The following ERC2 variants were observed in gnomAD, a reference collection of about 807,000 sequenced individuals.
ERC2 encodes the protein ELKS/RAB6-interacting/CAST family member 2, also known as ERC protein 2.
In ERC2, 42 loss-of-function variants were observed where a neutral mutation model predicts 114.8. That is an observed-to-expected ratio of 0.37 (90% CI 0.29 to 0.47). ERC2 has a LOEUF of 0.47. Ranked by LOEUF, ERC2 falls within the 20% of genes least tolerant of loss-of-function variation. The pLI is 0.99. For missense variants in ERC2, 939 were observed against 1,150.7 expected (o/e 0.82, Z 2.66); for synonymous variants, 454 against 425.5 (o/e 1.07, Z -0.82).
At chr3:55,894,141 G>A (rs2149331125) in intron 13 of ERC2, among the ~76,000 whole-genome samples, 1 of 151,836 alleles carries the variant, frequency 6.6e-6, no homozygotes, top group East Asian at 1.9e-4. Flanking sequence ...TTTTTTCCCA[G>A]GTGGAAAAAT....
At chr3:56,003,164 GCA>G in intron 10 of ERC2, 1 of 1,284,380 alleles carries the variant, frequency 7.8e-7, no homozygotes. Flanking sequence ...AGGCATTGAG[GCA>G]CAGACAGGGA....
intron 14 of ERC2, among the ~76,000 whole-genome samples, chr3:55,783,078 G>A (rs778227928): frequency 6.6e-6 from 1 of 152,190 alleles, no homozygotes; most frequent in African/African-American, 2.4e-5. Flanking sequence ...GTTGTCCCCG[G>A]AGGTGTGCAT....
At position 56,080,921 on chromosome 3, in the gene ERC2, G is replaced by C. The variant is rs375735550; in HGVS notation, c.1537C>G (p.Leu513Val). ...ESFLNKKTKQ[L>V]QDLTEEKGTL... ...CCCTTCTCTTCTGTGAGGTCCTGTA[G>C]CTGTTTTGTTTTTTTATTGAGGAAA... is the stretch of plus-strand genomic sequence containing the variant. The change falls in exon 7 of 18, where the codon CTA (leucine) becomes GTA (valine). Residue 513 changes from leucine (L) to valine (V), a missense_variant. Transcript: ENST00000288221. The C allele has an allele frequency of 4.8e-5, 78 of 1,613,434 alleles. No individual in the cohort carries two copies. Among genetic ancestry groups the C allele is most frequent in the Non-Finnish European group, 6.1e-5 (72 of 1,179,694 alleles).
At chr3:56,259,130 G>A (rs1337685831) in intron 3 of ERC2, among the ~76,000 whole-genome samples, 1 of 151,862 alleles carries the variant, frequency 6.6e-6, no homozygotes, top group Non-Finnish European at 1.5e-5. Flanking sequence ...GTGCCACCGT[G>A]CCTGGCTAAT....
intron 14 of ERC2, among the ~76,000 whole-genome samples, chr3:55,776,803 G>C (rs2068655483): frequency 6.6e-6 from 1 of 152,188 alleles, no homozygotes; most frequent in Middle Eastern, 3.2e-3. Context: ...TCATACAGTG[G>C]AGTAACATAG....
intron 2 of ERC2, among the ~76,000 whole-genome samples, chr3:56,376,249 A>G (rs140319352): frequency 4.6e-5 from 7 of 152,302 alleles, no homozygotes; most frequent in Non-Finnish European, 8.8e-5. Context: ...ACAGATTCCA[A>G]TCCAGGTTGC....
intron 4 of ERC2, among the ~76,000 whole-genome samples, chr3:56,166,753 C>G (rs2082343428): frequency 6.6e-6 from 1 of 151,874 alleles, no homozygotes; most frequent in South Asian, 2.1e-4. Flanking sequence ...ACTTTCATCC[C>G]TGATATTGGT....
intron 17 of ERC2, among the ~76,000 whole-genome samples, chr3:55,516,354 TTTA>T (rs980219085): frequency 6.6e-6 from 1 of 152,194 alleles, no homozygotes; most frequent in African/African-American, 2.4e-5. Context: ...TGAAGATTTA[TTTA>T]TTATTGTTGT....
intron 15 of ERC2, among the ~76,000 whole-genome samples, chr3:55,733,661 C>T (rs994321376): frequency 1.3e-5 from 2 of 151,932 alleles, no homozygotes; most frequent in African/African-American, 4.8e-5. Context: ...TCAATGTATG[C>T]CTTTTCCTTC....
At chr3:55,917,811 T>C (rs2065190026) in intron 13 of ERC2, among the ~76,000 whole-genome samples, 1 of 152,192 alleles carries the variant, frequency 6.6e-6, no homozygotes, top group Admixed American at 6.5e-5. Flanking sequence ...ATAAGGCTGC[T>C]ACATATTTTT....
At chr3:56,423,851 T>C (rs2061472728) in intron 2 of ERC2, among the ~76,000 whole-genome samples, 1 of 152,230 alleles carries the variant, frequency 6.6e-6, no homozygotes. Flanking sequence ...TGTGTGTCTG[T>C]GAAATAGATT....
chr3:56,129,310 C>A (rs2080065973), intron 6 of ERC2, among the ~76,000 whole-genome samples: 1 of 152,150 alleles, frequency 6.6e-6, no homozygotes, highest in Admixed American at 6.5e-5. Flanking sequence ...CAAATATTAG[C>A]CCTTTTCCAG....
intron 12 of ERC2, among the ~76,000 whole-genome samples, chr3:55,969,308 T>C (rs1293571819): frequency 6.6e-6 from 1 of 151,934 alleles, no homozygotes; most frequent in African/African-American, 2.4e-5. Context: ...AGAGAGATCA[T>C]GTGCTATAGA....
At chr3:55,525,515 G>A (rs2053252584) in intron 17 of ERC2, among the ~76,000 whole-genome samples, 1 of 152,328 alleles carries the variant, frequency 6.6e-6, no homozygotes, top group South Asian at 2.1e-4. Flanking sequence ...GAGATGTGAG[G>A]GGTGGTGAGT....
At chr3:56,067,126 A>T (rs2076519529) in intron 7 of ERC2, among the ~76,000 whole-genome samples, 1 of 152,206 alleles carries the variant, frequency 6.6e-6, no homozygotes, top group Non-Finnish European at 1.5e-5. Flanking sequence ...ATAGCACTGA[A>T]TCTCTAAATT....
chr3:56,018,375 G>T (rs1346584654), intron 8 of ERC2, among the ~76,000 whole-genome samples: 1 of 152,164 alleles, frequency 6.6e-6, no homozygotes, highest in Non-Finnish European at 1.5e-5. Flanking sequence ...CAGAAGAGGA[G>T]GAATTAAATT....
intron 17 of ERC2, among the ~76,000 whole-genome samples, chr3:55,648,943 C>A (rs1235018997): frequency 1.3e-5 from 2 of 152,154 alleles, no homozygotes; most frequent in African/African-American, 4.8e-5. Flanking sequence ...CACGGACACA[C>A]TGGACAATTT....
intron 17 of ERC2, among the ~76,000 whole-genome samples, chr3:55,519,213 G>T (rs2107187337): frequency 6.6e-6 from 1 of 152,310 alleles, no homozygotes; most frequent in East Asian, 1.9e-4. Flanking sequence ...TCCTAAGCCT[G>T]TGTCTAGAAC....
intron 17 of ERC2, among the ~76,000 whole-genome samples, chr3:55,514,013 G>A (rs1156364822): frequency 1.3e-5 from 2 of 152,142 alleles, no homozygotes; most frequent in East Asian, 1.9e-4. Context: ...CGAATCCCTG[G>A]CACAGGGAGT....
Sources: allele counts gnomAD v4.1 joint callset (sites outside exome capture counted in the v4.1 genomes callset), GRCh38; gene constraint gnomAD v4.1.1; transcripts MANE v1.5; gene names NCBI Gene and HGNC (gene_info 2026-07-23, HGNC 2026-07-21).